The following ITSN2 variants were observed in gnomAD, a reference collection of about 807,000 sequenced individuals.
The protein encoded by ITSN2 is intersectin-2.
A neutral mutation model predicts 243.7 loss-of-function variants in ITSN2; 156 were observed. The observed-to-expected ratio is 0.64, with a 90% CI of 0.56 to 0.73. The LOEUF is 0.73. Among genes scored for constraint, ITSN2 ranks in the 30% least tolerant of loss-of-function variants. The pLI is 0.00. For missense variants in ITSN2, 1,801 were observed against 1,996.1 expected, an observed-to-expected ratio of 0.90 and a Z score of 1.86; for synonymous variants, 703 against 699.9, an observed-to-expected ratio of 1.00 and a Z score of -0.07.
intron 13 of ITSN2, among the ~76,000 whole-genome samples, chr2:24,297,434 T>G (rs1681112281): frequency 6.6e-6 from 1 of 152,244 alleles, no homozygotes; most frequent in South Asian, 2.1e-4. Context: ...ATCTGATTGG[T>G]AAAAACTGCT....
chr2:24,211,070 G>A lies in ITSN2; in HGVS notation c.4090-123C>T, dbSNP rs563041411. 12 of 878,482 alleles carry A rather than the reference G, an allele frequency of 1.4e-5. No individual in the cohort carries two copies. Among genetic ancestry groups the A allele is most frequent in the African/African-American group, 3.3e-5 (2 of 59,736 alleles). 54.4% of individuals were successfully genotyped at this position (878,482 alleles called of 1,614,324 possible). On this transcript the variant is annotated intron_variant, in intron 33 of 39. Coordinates refer to ENST00000355123, the MANE Select transcript of ITSN2 (RefSeq NM_006277.3). The surrounding 1 kb of genome is among the most constrained non-coding windows in gnomAD (Gnocchi z 4.1). ...TGCTTCCATGCCCTGGAAACGCGGC[G>A]GTGAACAAGACGACACTTTCCGCCC...
At chr2:24,259,060 A>C (rs1180810999) in intron 22 of ITSN2, among the ~76,000 whole-genome samples, 1 of 152,192 alleles carries the variant, frequency 6.6e-6, no homozygotes, top group Non-Finnish European at 1.5e-5. Context: ...CTTGTATATC[A>C]AACTGCCTAC....
chr2:24,313,107 A>C (rs1327264378), intron 4 of ITSN2, among the ~76,000 whole-genome samples: 1 of 142,424 alleles, frequency 7.0e-6, no homozygotes, highest in Non-Finnish European at 1.5e-5. Context: ...TTTTCTAAAG[A>C]GAGTCTCATT....
intron 4 of ITSN2, among the ~76,000 whole-genome samples, chr2:24,313,082 CT>C (rs11442221): frequency 0.047 from 6,246 of 133,928 alleles, 101 homozygotes; most frequent in Middle Eastern, 0.093. Context: ...GAAGAAATAC[CT>C]TTTTTTTTTT....
At chr2:24,319,481 C>T (rs1448215914) in intron 2 of ITSN2, among the ~76,000 whole-genome samples, 1 of 152,202 alleles carries the variant, frequency 6.6e-6, no homozygotes, top group Non-Finnish European at 1.5e-5. Context: ...CTATCAGGAA[C>T]ATCAGGAATG....
At chr2:24,318,834 C>CTGTGT (rs1036708145) in intron 2 of ITSN2, among the ~76,000 whole-genome samples, 6 of 152,316 alleles carry the variant, frequency 3.9e-5, no homozygotes, top group Admixed American at 2.0e-4. Context: ...TGGCACTGGT[C>CTGTGT]TGTGGCCTGT....
intron 1 of ITSN2, among the ~76,000 whole-genome samples, chr2:24,342,172 C>T (rs530613554): frequency 6.6e-6 from 1 of 152,090 alleles, no homozygotes; most frequent in South Asian, 2.1e-4. Context: ...TGAGAAGGTA[C>T]AGATTTTCTT....
intron 8 of ITSN2, among the ~76,000 whole-genome samples, chr2:24,304,497 T>G (rs1682227011): frequency 6.6e-6 from 1 of 152,210 alleles, no homozygotes; most frequent in Non-Finnish European, 1.5e-5. Context: ...TTCTATTTTT[T>G]TAATCTGGAC....
intron 25 of ITSN2, among the ~76,000 whole-genome samples, chr2:24,250,262 C>T (rs969168966): frequency 7.9e-5 from 12 of 152,168 alleles, no homozygotes; most frequent in Admixed American, 7.9e-4. Flanking sequence ...AAAGAACCAA[C>T]AGAAAAACTA....
intron 1 of ITSN2, among the ~76,000 whole-genome samples, chr2:24,339,428 G>A (rs1409847079): frequency 6.7e-6 from 1 of 148,422 alleles, no homozygotes; most frequent in Non-Finnish European, 1.5e-5. Flanking sequence ...CTGAGATTGC[G>A]CCACTGCACT....
At chr2:24,247,525 T>G (rs954665325) in intron 27 of ITSN2, among the ~76,000 whole-genome samples, 3 of 152,030 alleles carry the variant, frequency 2.0e-5, no homozygotes, top group Non-Finnish European at 2.9e-5. Flanking sequence ...ACCCCCAAAT[T>G]TGGAATTGGT....
chr2:24,302,124 A>G lies in ITSN2; in HGVS notation c.858-22T>C, dbSNP rs1681842869. On this transcript the variant is annotated intron_variant, in intron 9 of 39. Transcript: ENST00000355123. The stretch of plus-strand genomic sequence containing the variant: ...AGTCCTAAAGAAAATGTTAAAATTC[A>G]CAACTTAATAAAGTCTATTTGGAGT... 1.9e-6 allele frequency: 3 copies of G among 1,573,280 alleles called. No homozygotes were observed. The South Asian group carries it at 3.5e-5, about 18-fold the overall frequency.
chr2:24,246,812 G>A lies in ITSN2; in HGVS notation c.3370C>T (p.Pro1124Ser). The A allele has an allele frequency of 6.2e-7, 1 of 1,602,974 alleles. No homozygotes were observed. Among genetic ancestry groups the A allele is most frequent in the Non-Finnish European group, 8.5e-7 (1 of 1,170,398 alleles). Residue 1124 changes from proline (P) to serine (S), a missense_variant, in exon 28 of 40, where the codon CCT (proline) becomes TCT (serine). Physicochemically the swap from Pro to Ser is moderately conservative, Grantham distance 74. Coordinates refer to ENST00000355123, the MANE Select transcript of ITSN2 (RefSeq NM_006277.3). ...ACTTCCATACCAGGATGAAAGGCAGGTGTGGCTCTTTCACTACTTGGACCC... is the reference window on the plus strand; with the variant it reads ...ACTTCCATACCAGGATGAAAGGCAGATGTGGCTCTTTCACTACTTGGACCC... ...LLGPSSERAT[P>S]AFHPVCQVIA...
intron 20 of ITSN2, among the ~76,000 whole-genome samples, chr2:24,266,922 T>C (rs962272006): frequency 6.6e-6 from 1 of 151,738 alleles, no homozygotes; most frequent in Non-Finnish European, 1.5e-5. Context: ...GGGTAACAGA[T>C]TGAGACCCAG....
At chr2:24,220,446 G>C in intron 30 of ITSN2, 1 of 987,740 alleles carries the variant, frequency 1.0e-6, no homozygotes, top group African/African-American at 1.7e-5. Flanking sequence ...TATGATATTT[G>C]GGAACTATTT....
chr2:24,360,621 C>G (rs1363065275), upstream of ITSN2: 1 of 152,272 alleles, frequency 6.6e-6, no homozygotes, highest in African/African-American at 2.4e-5. Flanking sequence ...CCCCACCCTC[C>G]GGAGCCCGAA....
chr2:24,317,755 TAGACTGAAATCAAGTATGACTAATGTGC>T (rs1407401084), intron 2 of ITSN2, among the ~76,000 whole-genome samples: 2 of 152,198 alleles, frequency 1.3e-5, no homozygotes, highest in Non-Finnish European at 1.5e-5. Context: ...GCCTCTGATT[TAGACTGAAATCAAGTATGACTAATGTGC>T]AGAGGATACC....
At position 24,261,202 on chromosome 2, in the gene ITSN2, T is replaced by C. The variant is rs1473010695; in HGVS notation, c.2586A>G (p.Val862=). Residue 862 remains valine (V), a synonymous_variant, in exon 22 of 40, where the codon GTA becomes GTG. Coordinates refer to ENST00000355123, the MANE Select transcript of ITSN2 (RefSeq NM_006277.3). ...TATTTACAGTTAGGTTTGAAAAAGATACATTTTGATAATCAGTCACTGATG... is the reference window on the plus strand; with the variant it reads ...TATTTACAGTTAGGTTTGAAAAAGACACATTTTGATAATCAGTCACTGATG... ...QPASVTDYQN[V]SFSNLTVNTS... is the part of the protein sequence containing the mutation. 2 of 1,613,024 alleles carry C rather than the reference T, an allele frequency of 1.2e-6. No homozygotes were observed. The highest frequency in any genetic ancestry group is 1.7e-6 in the Non-Finnish European group (2 of 1,179,080).
intron 8 of ITSN2, among the ~76,000 whole-genome samples, chr2:24,305,890 C>T (rs977401735): frequency 6.6e-6 from 1 of 152,124 alleles, no homozygotes. Flanking sequence ...CCATTCACTG[C>T]CCTTCATATT....
Sources: allele counts gnomAD v4.1 joint callset (sites outside exome capture counted in the v4.1 genomes callset), GRCh38; gene constraint gnomAD v4.1.1; non-coding constraint Gnocchi (gnomAD v3.1); transcripts MANE v1.5; gene names NCBI Gene and HGNC (gene_info 2026-07-23, HGNC 2026-07-21).